The following RASA3 variants were observed in gnomAD, a reference collection of about 807,000 sequenced individuals.
RASA3 encodes the protein RAS p21 protein activator 3, also known as ras GTPase-activating protein 3.
A neutral mutation model predicts 110.0 loss-of-function variants in RASA3; 73 were observed. The ratio of observed to expected loss-of-function variants is 0.66; its 90% confidence interval spans 0.55 to 0.81. The LOEUF (loss-of-function observed/expected upper bound fraction) is 0.81. RASA3 is among the 30% of genes least tolerant of loss of function. The probability of loss-of-function intolerance (pLI) is 0.00; values close to 1 mark genes in which losing one functional copy is unlikely to be tolerated. For missense variants in RASA3, 976 were observed against 1,113.2 expected, an observed-to-expected ratio of 0.88 and a Z score of 1.75; for synonymous variants, 500 against 451.4, an observed-to-expected ratio of 1.11 and a Z score of -1.37.
chr13:114,018,533 AC>A (rs2053845101), intron 10 of RASA3, among the ~76,000 whole-genome samples: 1 of 152,018 alleles, frequency 6.6e-6, no homozygotes. Flanking sequence ...CCCTCGAACA[AC>A]CCGGAGAGTC....
At chr13:114,026,459 C>T (rs2054027706) in intron 7 of RASA3, among the ~76,000 whole-genome samples, 1 of 152,240 alleles carries the variant, frequency 6.6e-6, no homozygotes, top group South Asian at 2.1e-4. Context: ...AAGCCCTCCT[C>T]ACAGTGGCCC....
chr13:114,039,071 G>A (rs1406722701), intron 4 of RASA3, among the ~76,000 whole-genome samples: 1 of 152,230 alleles, frequency 6.6e-6, no homozygotes. Context: ...ACTGAGGCCT[G>A]CAAAGGACGT....
In RASA3 at chr13:114,073,712, G is replaced by T; in HGVS notation, c.173+8C>A. The T allele has an allele frequency of 6.3e-7, 1 of 1,599,062 alleles. No individual in the cohort carries two copies. The highest frequency in any genetic ancestry group is 1.1e-5 in the South Asian group (1 of 90,752). On this transcript the variant is annotated splice_region_variant and intron_variant, in intron 2 of 23. Transcript: ENST00000334062. ...ATCAGTGCCAAGTAAAGCAACAGAA[G>T]ACATTACCAGAGTGACTTTTCCACA...
chr13:114,072,561 G>A (rs2079589653), intron 2 of RASA3, among the ~76,000 whole-genome samples: 1 of 152,136 alleles, frequency 6.6e-6, no homozygotes, highest in Admixed American at 6.5e-5. Context: ...GTACTCTTTT[G>A]TGGAGTGCGA....
chr13:114,042,626 C>T (rs2054436628), intron 3 of RASA3, among the ~76,000 whole-genome samples: 3 of 152,228 alleles, frequency 2.0e-5, no homozygotes, highest in Non-Finnish European at 4.4e-5. Context: ...CCTGGGCCTC[C>T]TACCCGGCCA....
chr13:113,998,321 C>G (rs1248468764), intron 20 of RASA3, among the ~76,000 whole-genome samples: 1 of 152,228 alleles, frequency 6.6e-6, no homozygotes, highest in African/African-American at 2.4e-5. Flanking sequence ...TTCCCATGCC[C>G]TCCTCTTCAA....
chr13:114,125,738 C>T (rs2080437914), intron 1 of RASA3, among the ~76,000 whole-genome samples: 1 of 152,166 alleles, frequency 6.6e-6, no homozygotes, highest in African/African-American at 2.4e-5. Flanking sequence ...AAGCTAGAAG[C>T]TCTGGTTGCA....
chr13:114,023,808 C>T (rs371060951), intron 8 of RASA3, among the ~76,000 whole-genome samples: 14 of 152,206 alleles, frequency 9.2e-5, no homozygotes, highest in Non-Finnish European at 1.5e-4. Flanking sequence ...GAACCCAGGA[C>T]GCCAGGTGAG....
In RASA3 at chr13:114,000,934, T is replaced by C. The variant is rs1327274968; in HGVS notation, c.1743-2A>G. The stretch of plus-strand genomic sequence containing the variant: ...CCTTGGGCCCTCTTGATCATGAACC[T>C]GTGTGAAGAGCACACAGGGCCGGGG... On this transcript the variant is annotated splice_acceptor_variant, in intron 18 of 23. Transcript: ENST00000334062. LOFTEE classifies it high-confidence loss of function. 2.5e-6 allele frequency: 4 copies of C among 1,605,210 alleles called. No individual in the cohort carries two copies. Among genetic ancestry groups the C allele is most frequent in the South Asian group, 1.1e-5 (1 of 90,900 alleles).
rs1172107350 is a variant in RASA3, at chr13:114,048,308, C to G, written c.277+3744G>C. Reference sequence around the variant, plus strand: ...CCAGCCTGGGCGACAGAAAGAGACTCCGTCTCAAAAAAAAAAAAAAAGAAG... The same window carrying G: ...CCAGCCTGGGCGACAGAAAGAGACTGCGTCTCAAAAAAAAAAAAAAAGAAG... On this transcript the variant is annotated intron_variant, in intron 3 of 23. Coordinates refer to ENST00000334062, the MANE Select transcript of RASA3 (RefSeq NM_007368.4). The surrounding 1 kb of genome is among the most constrained non-coding windows in gnomAD (Gnocchi z 4.3). 1.2e-4 allele frequency among the ~76,000 whole-genome samples: 17 copies of G among 146,106 alleles called. 1 individual carries two copies. The highest frequency in any genetic ancestry group is 3.5e-3 in the Middle Eastern group (1 of 288).
At chr13:114,079,814 T>A (rs1421069751) in intron 1 of RASA3, among the ~76,000 whole-genome samples, 4 of 151,968 alleles carry the variant, frequency 2.6e-5, no homozygotes, top group Non-Finnish European at 4.4e-5. Flanking sequence ...TGAGTGGGCC[T>A]GAGTGCCCGT....
chr13:114,022,460 C>A (rs1457340246), intron 8 of RASA3, among the ~76,000 whole-genome samples: 1 of 152,232 alleles, frequency 6.6e-6, no homozygotes, highest in Non-Finnish European at 1.5e-5. Flanking sequence ...CCAGCCCTAC[C>A]CAGGGGGCTA....
chr13:114,090,166 C>T (rs1042237377), intron 1 of RASA3, among the ~76,000 whole-genome samples: 22 of 152,194 alleles, frequency 1.4e-4, no homozygotes, highest in Non-Finnish European at 2.4e-4. Flanking sequence ...TATTTACCAA[C>T]GGGTGGGGCC....
In RASA3 at chr13:114,120,720, C is replaced by T. The variant is rs1282103034; in HGVS notation, c.55+11715G>A. Among the ~76,000 whole-genome samples, 5 of 152,222 alleles carry T rather than the reference C, an allele frequency of 3.3e-5. No individual in the cohort carries two copies. The East Asian group carries it at 7.7e-4, about 23-fold the overall frequency. On this transcript the variant is annotated intron_variant, in intron 1 of 23. Transcript: ENST00000334062. ...GTGTGACCCTGCCCCACAGATAACA[C>T]GGAAAGGGACTTTTCATGGTCAGAA...
At chr13:114,073,906 C>T in intron 1 of RASA3, 69 bp from the exon 2 acceptor site, 5 of 1,324,990 alleles carry the variant, frequency 3.8e-6, no homozygotes, top group East Asian at 2.3e-5. Flanking sequence ...ATCGCAGACA[C>T]GTTTCCAGCC....
chr13:114,022,899 C>A (rs1379789960), intron 8 of RASA3, among the ~76,000 whole-genome samples: 1 of 152,038 alleles, frequency 6.6e-6, no homozygotes, highest in South Asian at 2.1e-4. Context: ...CAGATCTGAC[C>A]GACCACGTCA....
At chr13:114,124,974 C>T (rs2080426321) in intron 1 of RASA3, among the ~76,000 whole-genome samples, 2 of 152,188 alleles carry the variant, frequency 1.3e-5, no homozygotes, top group African/African-American at 4.8e-5. Context: ...CTCTTCCTAC[C>T]ACAGCACTCC....
At chr13:114,030,247 A>C (rs2274709) in intron 4 of RASA3, among the ~76,000 whole-genome samples, 84,654 of 151,678 alleles carry the variant, frequency 0.56, 25,171 homozygotes, top group African/African-American at 0.77. Flanking sequence ...GTCCGTCGGG[A>C]CAAACCAGAG....
chr13:114,021,434 A>C lies in RASA3; in HGVS notation c.755T>G (p.Val252Gly), dbSNP rs1388125823. 1 of 1,613,910 alleles carries C rather than the reference A, an allele frequency of 6.2e-7. No homozygotes were observed. The highest frequency in any genetic ancestry group is 8.5e-7 in the Non-Finnish European group (1 of 1,180,026). Residue 252 changes from valine (V) to glycine (G), a missense_variant, in exon 9 of 24, where the codon GTC (valine) becomes GGC (glycine). Val to Gly is a moderately radical substitution (Grantham distance 109). Coordinates refer to ENST00000334062, the MANE Select transcript of RASA3 (RefSeq NM_007368.4). Reference protein sequence around the residue: ...FLGELRIPLKVLRQSSSYEAW... With the variant: ...FLGELRIPLKGLRQSSSYEAW... ...CTCGTAGGAGCTGGACTGCCGCAGG[A>C]CTTTCAACGGGATCCTTAGTTCTCC... is the stretch of plus-strand genomic sequence containing the variant.
Sources: allele counts gnomAD v4.1 joint callset (sites outside exome capture counted in the v4.1 genomes callset), GRCh38; gene constraint gnomAD v4.1.1; non-coding constraint Gnocchi (gnomAD v3.1); transcripts MANE v1.5; gene names NCBI Gene and HGNC (gene_info 2026-07-23, HGNC 2026-07-21).